Variants in CTNNAL1 observed in about 807,000 individuals in gnomAD.
CTNNAL1 encodes the protein alpha-catulin.
A neutral mutation model predicts 93.6 loss-of-function variants in CTNNAL1; 69 were observed. The ratio of observed to expected loss-of-function variants is 0.74; its 90% CI spans 0.61 to 0.90. The LOEUF is 0.90. Among genes scored for constraint, CTNNAL1 ranks in the 40% least tolerant of loss-of-function variants. The pLI, the probability that CTNNAL1 is intolerant of heterozygous loss-of-function variation, is 0.00. For synonymous variants in CTNNAL1, 286 were observed against 305.4 expected, an observed-to-expected ratio of 0.94 and a Z score of 0.66; for missense variants, 836 against 862.0, an observed-to-expected ratio of 0.97 and a Z score of 0.38.
At chr9:108,971,795 C>A (rs1428468712) in intron 9 of CTNNAL1, among the ~76,000 whole-genome samples, 2 of 152,072 alleles carry the variant, frequency 1.3e-5, no homozygotes, top group Non-Finnish European at 2.9e-5. Flanking sequence ...CTGACATTTT[C>A]AATAGGCAGA....
intron 11 of CTNNAL1, among the ~76,000 whole-genome samples, chr9:108,960,128 C>G (rs1256640493): frequency 6.6e-6 from 1 of 152,082 alleles, no homozygotes; most frequent in African/African-American, 2.4e-5. Context: ...GTCCCCAGAC[C>G]CACTTAAAAT....
intron 14 of CTNNAL1, among the ~76,000 whole-genome samples, chr9:108,951,059 G>C (rs1261388356): frequency 6.6e-6 from 1 of 151,746 alleles, no homozygotes; most frequent in African/African-American, 2.4e-5. Context: ...ACCCAGGCTG[G>C]AGTGCAAGTG....
intron 10 of CTNNAL1, among the ~76,000 whole-genome samples, chr9:108,968,741 A>G (rs1231488413): frequency 6.6e-6 from 1 of 152,156 alleles, no homozygotes; most frequent in Non-Finnish European, 1.5e-5. Flanking sequence ...ATCCAACATG[A>G]TTCTCCTAGA....
At chr9:108,968,036 T>C (rs1831009255) in intron 10 of CTNNAL1, among the ~76,000 whole-genome samples, 1 of 152,170 alleles carries the variant, frequency 6.6e-6, no homozygotes, top group South Asian at 2.1e-4. Context: ...GCACAGCACT[T>C]GCCAAGCAGA....
chr9:108,948,646 G>C (rs1232080584), intron 14 of CTNNAL1, among the ~76,000 whole-genome samples: 1 of 152,172 alleles, frequency 6.6e-6, no homozygotes, highest in African/African-American at 2.4e-5. Flanking sequence ...AATTCTGGTA[G>C]TAACTCAGTT....
chr9:108,957,023 G>A (rs1340049540), intron 11 of CTNNAL1, among the ~76,000 whole-genome samples: 1 of 151,070 alleles, frequency 6.6e-6, no homozygotes, highest in African/African-American at 2.4e-5. Flanking sequence ...CTAAAATATT[G>A]ATTATATGTT....
intron 2 of CTNNAL1, among the ~76,000 whole-genome samples, chr9:108,996,054 T>C (rs968311228): frequency 2.0e-5 from 3 of 151,814 alleles, no homozygotes; most frequent in Admixed American, 6.6e-5. Context: ...CTCAACCTCC[T>C]TGGGCTCAAA....
intron 8 of CTNNAL1, 27 bp from the exon 9 acceptor site, chr9:108,972,860 G>GC: frequency 2.8e-6 from 1 of 353,504 alleles, no homozygotes; most frequent in Admixed American, 3.9e-5. Context: ...GGGTGGGGGG[G>GC]TGGGAGGGTG....
At chr9:108,964,516 T>C (rs776997879) in intron 11 of CTNNAL1, among the ~76,000 whole-genome samples, 11 of 152,058 alleles carry the variant, frequency 7.2e-5, no homozygotes, top group Admixed American at 1.3e-4. Flanking sequence ...AAATAAAGAA[T>C]AAAAATGATG....
In CTNNAL1 at chr9:108,979,288, A is replaced by T; in HGVS notation, c.1094T>A (p.Ile365Asn). 1 of 1,614,142 alleles carries T rather than the reference A, an allele frequency of 6.2e-7. No homozygotes were observed. Among genetic ancestry groups the T allele is most frequent in the Non-Finnish European group, 8.5e-7 (1 of 1,180,002 alleles). ...TTTAAAAAAAGTTCTTACAGCTTGA[A>T]TCCACACAGAAATTAACTGCTGCAG... ...MELQQLISVW[I>N]QAQSKKTKSI... The change falls in exon 7 of 19, where the codon ATT (isoleucine) becomes AAT (asparagine). Residue 365 changes from isoleucine to asparagine, a missense_variant. Ile to Asn is a moderately radical substitution (Grantham distance 149, BLOSUM62 -3). Transcript: ENST00000325551.
intron 15 of CTNNAL1, among the ~76,000 whole-genome samples, chr9:108,945,824 G>A (rs776510056): frequency 4.6e-5 from 7 of 152,072 alleles, no homozygotes; most frequent in Non-Finnish European, 8.8e-5. Flanking sequence ...TGAATCTGCA[G>A]ATGCAAAACC....
chr9:108,986,876 T>C (rs1008245203), intron 4 of CTNNAL1, among the ~76,000 whole-genome samples: 2 of 152,034 alleles, frequency 1.3e-5, no homozygotes, highest in Non-Finnish European at 2.9e-5. Context: ...GATGGGGTTG[T>C]TTGTTTTTTT....
intron 1 of CTNNAL1, 51 bp downstream of exon 1, chr9:109,013,251 C>G: frequency 7.0e-7 from 1 of 1,429,308 alleles, no homozygotes; most frequent in Non-Finnish European, 9.2e-7. Context: ...CGGCCGCCAT[C>G]GCGGGCCGCG....
intron 9 of CTNNAL1, among the ~76,000 whole-genome samples, chr9:108,972,236 G>T (rs542731023): frequency 6.6e-6 from 1 of 152,042 alleles, no homozygotes; most frequent in Non-Finnish European, 1.5e-5. Context: ...GCTACCACTC[G>T]CCCCAATTAC....
At chr9:108,972,864 G>GGGGCCCCCCCCCCC in intron 8 of CTNNAL1, 31 bp from the exon 9 acceptor site, 49 of 142,244 alleles carry the variant, frequency 3.4e-4, no homozygotes, top group Non-Finnish European at 4.7e-4. Flanking sequence ...GGGGGGGTGG[G>GGGGCCCCCCCCCCC]AGGGTGGAGA....
rs1037266680 is a variant in CTNNAL1, at chr9:108,950,517, A to G, written c.1835+1692T>C. On this transcript the variant is annotated intron_variant, in intron 14 of 18. Transcript: ENST00000325551. ...GCCTTCTTTTTCCAGAGAATTATCTATCTAGAAAAGGTAGAAGACGTCATC... is the reference window on the plus strand; with the variant it reads ...GCCTTCTTTTTCCAGAGAATTATCTGTCTAGAAAAGGTAGAAGACGTCATC... The G allele has an allele frequency of 2.3e-5, 35 of 1,550,050 alleles. No individual in the cohort carries two copies. The African/African-American group carries it at 4.1e-4, about 18-fold the overall frequency.
chr9:108,972,621 A>C, intron 9 of CTNNAL1, 54 bp downstream of exon 9: 1 of 1,435,536 alleles, frequency 7.0e-7, no homozygotes, highest in Non-Finnish European at 9.6e-7. Context: ...ATTCCCACAT[A>C]GTTTAATAAA....
chr9:108,944,208 C>T (rs1482123914), intron 15 of CTNNAL1, among the ~76,000 whole-genome samples, 190 bp from the exon 16 acceptor site: 2 of 152,208 alleles, frequency 1.3e-5, no homozygotes, highest in African/African-American at 4.8e-5. Flanking sequence ...GAAGGAGTTT[C>T]CACAGACCAG....
intron 14 of CTNNAL1, 31 bp from the exon 15 acceptor site, chr9:108,948,265 CAAA>C (rs745347820): frequency 6.3e-7 from 1 of 1,592,928 alleles, no homozygotes. Context: ...AAGAAGGTAA[CAAA>C]AAGTTATTAC....
Sources: allele counts gnomAD v4.1 joint callset (sites outside exome capture counted in the v4.1 genomes callset), GRCh38; gene constraint gnomAD v4.1.1; transcripts MANE v1.5; gene names NCBI Gene and HGNC (gene_info 2026-07-23, HGNC 2026-07-21).